IL17D: variants seen among roughly 807,000 people sequenced by gnomAD.
IL17D encodes the protein interleukin 17D.
A neutral mutation model predicts 5.7 loss-of-function variants in IL17D; 10 were observed. The ratio of observed to expected loss-of-function variants is 1.75; its 90% CI spans 1.08 to 2.97. The LOEUF (loss-of-function observed/expected upper bound fraction) is 2.97. Ranked by LOEUF, IL17D falls within the 30% of genes most tolerant of loss-of-function variation. The probability of loss-of-function intolerance (pLI) is 0.00; values close to 1 mark genes in which losing one functional copy is unlikely to be tolerated. For synonymous variants in IL17D, 172 were observed against 141.7 expected (o/e 1.21, Z -1.52); for missense variants, 354 against 292.7 (o/e 1.21, Z -1.53).
chr13:20,714,175 T>G (rs577593337), intron 1 of IL17D: 2 of 152,410 alleles, frequency 1.3e-5, no homozygotes, highest in African/African-American at 4.8e-5. Flanking sequence ...TTCTCATTTC[T>G]TTTTCTCCCT....
intron 1 of IL17D, chr13:20,713,128 G>C (rs2058653324): frequency 6.6e-6 from 1 of 152,144 alleles, no homozygotes; most frequent in South Asian, 2.1e-4. Context: ...CATGAGCACA[G>C]GTGCAGTGTC....
At chr13:20,712,076 C>A (rs1284229645) in intron 1 of IL17D, among the ~76,000 whole-genome samples, 2 of 152,358 alleles carry the variant, frequency 1.3e-5, no homozygotes, top group East Asian at 3.9e-4. Context: ...GGGTCACATT[C>A]ATTCATCAAA....
chr13:20,721,696 G>C lies in IL17D; in HGVS notation c.351G>C (p.Arg117=). 1 of 1,611,148 alleles carries C rather than the reference G, an allele frequency of 6.2e-7. No individual in the cohort carries two copies. The highest frequency in any genetic ancestry group is 8.5e-7 in the Non-Finnish European group (1 of 1,179,076). The change falls in exon 2 of 2, where the codon CGG becomes CGC. Residue 117 remains arginine, a synonymous_variant. Coordinates refer to ENST00000682841, the MANE Select transcript of IL17D (RefSeq NM_001385224.1). ...TGCCTGAAGCCTACTGCCTGTGCCG[G>C]GGCTGCCTGACCGGGCTGTTCGGCG... is the stretch of plus-strand genomic sequence containing the variant. The part of the protein sequence containing the change: ...RYLPEAYCLC[R]GCLTGLFGEE...
upstream of IL17D, chr13:20,702,044 T>G (rs1357532591): frequency 2.0e-5 from 3 of 152,184 alleles, no homozygotes; most frequent in Non-Finnish European, 2.9e-5. Flanking sequence ...TGAGACAGAC[T>G]GAGTATTTCT....
chr13:20,720,058 C>T (rs1595003515), intron 1 of IL17D, among the ~76,000 whole-genome samples: 1 of 152,180 alleles, frequency 6.6e-6, no homozygotes. Flanking sequence ...TCATTTCTCT[C>T]TATTTCTGGT....
At chr13:20,710,245 A>T (rs2058623699) in intron 1 of IL17D, among the ~76,000 whole-genome samples, 1 of 152,198 alleles carries the variant, frequency 6.6e-6, no homozygotes, top group African/African-American at 2.4e-5. Flanking sequence ...AGTCAGATTG[A>T]TATATTAAGA....
In IL17D at chr13:20,704,184, G is replaced by A. The variant is rs1274515390; in HGVS notation, c.183G>A (p.Gly61=). 1.9e-5 allele frequency: 26 copies of A among 1,372,100 alleles called. No individual in the cohort carries two copies. Among genetic ancestry groups the A allele is most frequent in the Admixed American group, 8.2e-5 (3 of 36,598 alleles). 85.0% of individuals were successfully genotyped at this position (1,372,100 alleles called of 1,614,324 possible). Residue 61 remains glycine (G), a synonymous_variant, in exon 1 of 2, where the codon GGG becomes GGA. Coordinates refer to ENST00000682841, the MANE Select transcript of IL17D (RefSeq NM_001385224.1). ...CCTTCCACCACACGCTGCAGCTGGG[G>A]CCGCGTGAGCAGGCGCGCAACGCGA... The part of the protein sequence containing the change: ...LSAFHHTLQL[G]PREQARNASC...
chr13:20,708,990 A>G (rs2058613569), intron 1 of IL17D, among the ~76,000 whole-genome samples: 1 of 151,116 alleles, frequency 6.6e-6, no homozygotes, highest in African/African-American at 2.4e-5. Context: ...AAAGAAAGAA[A>G]AGAAAAGGAC....
At chr13:20,710,223 C>A (rs2058623508) in intron 1 of IL17D, among the ~76,000 whole-genome samples, 1 of 152,056 alleles carries the variant, frequency 6.6e-6, no homozygotes, top group Non-Finnish European at 1.5e-5. Context: ...GGTTGCTCAG[C>A]AAGTTTTTAA....
intron 1 of IL17D, among the ~76,000 whole-genome samples, chr13:20,718,139 A>G (rs1289963701): frequency 6.6e-6 from 1 of 152,050 alleles, no homozygotes; most frequent in Non-Finnish European, 1.5e-5. Context: ...CCTGCGGCAC[A>G]TCCTCGGTAC....
chr13:20,715,121 C>T (rs1007614628), intron 1 of IL17D, among the ~76,000 whole-genome samples: 1 of 152,150 alleles, frequency 6.6e-6, no homozygotes, highest in African/African-American at 2.4e-5. Flanking sequence ...CTAACACAAA[C>T]CTGTCTTCGT....
In IL17D at chr13:20,721,601, C is replaced by G. The variant is rs916912195; in HGVS notation, c.291-35C>G. ...TTCAGCGCGCGGCGCGGGGCTGCCC[C>G]CAGGCGTGACCTCACCCGTGCTCTC... On this transcript the variant is annotated intron_variant, in intron 1 of 1. Coordinates refer to ENST00000682841, the MANE Select transcript of IL17D (RefSeq NM_001385224.1). 1.2e-5 allele frequency: 18 copies of G among 1,539,814 alleles called. No individual in the cohort carries two copies. The Admixed American group carries it at 1.8e-4, about 16-fold the overall frequency.
rs1000275110 is a variant in IL17D, at chr13:20,722,084, C to CTT, written c.*130_*131insTT. 133 of 726,546 alleles carry CTT rather than the reference C, an allele frequency of 1.8e-4. 3 individuals are homozygous for CTT. Among genetic ancestry groups the CTT allele is most frequent in the South Asian group, 6.0e-4 (30 of 50,338 alleles). 45.0% of individuals were successfully genotyped at this position (726,546 alleles called of 1,614,324 possible). On this transcript the variant is annotated 3_prime_UTR_variant, in exon 2 of 2. Transcript: ENST00000682841. Reference sequence around the variant, plus strand: ...CAAACCAAGTGCCGGAGCACCAGCGCCGCCTTTCCATGGAGACTCGTAAGC... The same window carrying CTT: ...CAAACCAAGTGCCGGAGCACCAGCGCTTCGCCTTTCCATGGAGACTCGTAAGC...
In IL17D at chr13:20,722,157, A is replaced by G; in HGVS notation, c.*203A>G. ...CCTGGCTTGCTTTTAGCTACAAGCAAGCAGCGTGGCTGGAAGCTGATGGGA... is the reference window on the plus strand; with the variant it reads ...CCTGGCTTGCTTTTAGCTACAAGCAGGCAGCGTGGCTGGAAGCTGATGGGA... On this transcript the variant is annotated 3_prime_UTR_variant, in exon 2 of 2. Transcript: ENST00000682841. 3 of 537,568 alleles carry G rather than the reference A, an allele frequency of 5.6e-6. No homozygotes were observed. Among genetic ancestry groups the G allele is most frequent in the Non-Finnish European group, 9.7e-6 (3 of 309,650 alleles). The allele number at this position is 537,568 out of a possible 1,614,324, so 33.3% of individuals were successfully genotyped here.
Position 20,721,717 on chromosome 13 carries a change from C to A in IL17D, c.372C>A (p.Phe124Leu). 1.2e-6 allele frequency: 2 copies of A among 1,611,354 alleles called. No homozygotes were observed. The highest frequency in any genetic ancestry group is 1.7e-6 in the Non-Finnish European group (2 of 1,179,412). The change falls in exon 2 of 2, where the codon TTC becomes TTA. Residue 124 changes from phenylalanine (F) to leucine (L), a missense_variant. Coordinates refer to ENST00000682841, the MANE Select transcript of IL17D (RefSeq NM_001385224.1). ...CLCRGCLTGL[F>L]GEEDVRFRSA... is the part of the protein sequence containing the mutation. ...GCCGGGGCTGCCTGACCGGGCTGTT[C>A]GGCGAGGAGGACGTGCGCTTCCGCA... is the stretch of plus-strand genomic sequence containing the variant.
At chr13:20,706,766 G>A (rs778476168) in intron 1 of IL17D, among the ~76,000 whole-genome samples, 17 of 152,138 alleles carry the variant, frequency 1.1e-4, no homozygotes, top group Non-Finnish European at 1.9e-4. Flanking sequence ...CACCTATGTC[G>A]CCCCAGGCAG....
Position 20,703,861 on chromosome 13 carries a change from C to T in IL17D, c.-141C>T, listed in dbSNP as rs1246439028. 1 of 243,562 alleles carries T rather than the reference C, an allele frequency of 4.1e-6. No individual in the cohort carries two copies. The highest frequency in any genetic ancestry group is 2.4e-5 in the African/African-American group (1 of 42,378). 15.1% of individuals were successfully genotyped at this position (243,562 alleles called of 1,614,324 possible). ...GGGGCCCGCCCGCGCGGCTCCCATC[C>T]TCCGGGCCGGCCTCTGGCTCCGCGG... On this transcript the variant is annotated 5_prime_UTR_variant, in exon 1 of 2. Coordinates refer to ENST00000682841, the MANE Select transcript of IL17D (RefSeq NM_001385224.1).
rs1205388455 is a variant in IL17D at position 20,721,803 on chromosome 13, G to T, written c.458G>T (p.Arg153Leu). ...CGCACCCCCGCCTGCGCCGGCGGCC[G>T]TTCCGTCTACACCGAGGCCTACGTC... ...LRRTPACAGG[R>L]SVYTEAYVTI... is the part of the protein sequence containing the mutation. Residue 153 changes from arginine (R) to leucine (L), a missense_variant, in exon 2 of 2, where the codon CGT becomes CTT. Transcript: ENST00000682841. The T allele has an allele frequency of 6.2e-7, 1 of 1,609,750 alleles. No homozygotes were observed. The highest frequency in any genetic ancestry group is 8.5e-7 in the Non-Finnish European group (1 of 1,179,732).
chr13:20,709,430 T>G (rs192143144), intron 1 of IL17D, among the ~76,000 whole-genome samples: 2 of 152,256 alleles, frequency 1.3e-5, no homozygotes, highest in East Asian at 3.9e-4. Context: ...AGTTAGATAT[T>G]ATACACTATA....
Sources: allele counts gnomAD v4.1 joint callset (sites outside exome capture counted in the v4.1 genomes callset), GRCh38; gene constraint gnomAD v4.1.1; transcripts MANE v1.5; gene names NCBI Gene and HGNC (gene_info 2026-07-23, HGNC 2026-07-21).